The following TMEM178A variants were observed in gnomAD, a reference collection of about 807,000 sequenced individuals.
TMEM178A encodes transmembrane protein 178A.
In TMEM178A, 12 loss-of-function variants were observed where a neutral mutation model predicts 29.1. That is an observed-to-expected ratio of 0.41 (90% confidence interval 0.26 to 0.67). TMEM178A has a LOEUF of 0.67. Ranked by LOEUF, TMEM178A falls within the 30% of genes least tolerant of loss-of-function variation. The pLI is 0.29. For missense variants in TMEM178A, 366 were observed against 419.1 expected (o/e 0.87, Z 1.11); for synonymous variants, 210 against 187.2 (o/e 1.12, Z -0.99).
chr2:39,731,416 G>A, the TMEM178A span, among the ~76,000 whole-genome samples: 1 of 152,208 alleles, frequency 6.6e-6, no homozygotes, highest in Non-Finnish European at 1.5e-5. Flanking sequence ...TTTCTGGTGA[G>A]GGCCATGGGC....
chr2:39,706,189 T>C (rs575596287), intron 2 of TMEM178A, among the ~76,000 whole-genome samples: 1 of 152,228 alleles, frequency 6.6e-6, no homozygotes, highest in South Asian at 2.1e-4. Context: ...GGGAAAGAGC[T>C]GGATTTCTGG....
chr2:39,694,796 C>T (rs1411778389), intron 1 of TMEM178A, among the ~76,000 whole-genome samples: 1 of 152,008 alleles, frequency 6.6e-6, no homozygotes, highest in African/African-American at 2.4e-5. Flanking sequence ...TCAATATGAC[C>T]ATTAGAACAT....
At chr2:39,676,723 C>T (rs1670641281) in intron 1 of TMEM178A, among the ~76,000 whole-genome samples, 1 of 152,146 alleles carries the variant, frequency 6.6e-6, no homozygotes, top group Admixed American at 6.5e-5. Context: ...TCCAGAGAGC[C>T]ACACAAGATA....
chr2:39,670,650 G>A (rs1234180697), intron 1 of TMEM178A, among the ~76,000 whole-genome samples: 1 of 152,216 alleles, frequency 6.6e-6, no homozygotes, highest in Non-Finnish European at 1.5e-5. Context: ...CAGGACAGAT[G>A]GAAGCAGACT....
chr2:39,709,967 C>T (rs1334774243), intron 3 of TMEM178A, among the ~76,000 whole-genome samples: 1 of 152,156 alleles, frequency 6.6e-6, no homozygotes, highest in Non-Finnish European at 1.5e-5. Flanking sequence ...AGGGGCCAGT[C>T]TGGTTTTAAA....
intron 1 of TMEM178A, among the ~76,000 whole-genome samples, chr2:39,680,037 C>T (rs891653978): frequency 2.6e-5 from 4 of 152,138 alleles, no homozygotes; most frequent in African/African-American, 7.2e-5. Flanking sequence ...AGCAATCTTC[C>T]TCCTAACAAG....
At chr2:39,725,341 G>A in the TMEM178A span, among the ~76,000 whole-genome samples, 2 of 152,148 alleles carry the variant, frequency 1.3e-5, no homozygotes, top group Admixed American at 1.3e-4. Flanking sequence ...GTGGGTCTGC[G>A]ATACGCCTAC....
At chr2:39,732,030 G>A in the TMEM178A span, among the ~76,000 whole-genome samples, 9 of 151,968 alleles carry the variant, frequency 5.9e-5, no homozygotes, top group Admixed American at 6.5e-5. Context: ...TCCTCTTCCC[G>A]AGACCTTATT....
intron 1 of TMEM178A, among the ~76,000 whole-genome samples, chr2:39,696,643 T>G (rs1030610265): frequency 9.9e-5 from 15 of 152,194 alleles, no homozygotes; most frequent in African/African-American, 3.4e-4. Flanking sequence ...TCATGTATAC[T>G]GCCCGCCTCA....
At chr2:39,680,395 T>C (rs932954406) in intron 1 of TMEM178A, among the ~76,000 whole-genome samples, 2 of 152,380 alleles carry the variant, frequency 1.3e-5, no homozygotes, top group African/African-American at 2.4e-5. Flanking sequence ...TTCTTTGCTC[T>C]TTTGAATGTG....
the TMEM178A span, among the ~76,000 whole-genome samples, chr2:39,728,492 G>A: frequency 6.6e-6 from 1 of 152,018 alleles, no homozygotes; most frequent in Non-Finnish European, 1.5e-5. Flanking sequence ...GCCACACTCT[G>A]TACCCTATTC....
chr2:39,696,418 G>A (rs1671543399), intron 1 of TMEM178A, among the ~76,000 whole-genome samples: 3 of 152,154 alleles, frequency 2.0e-5, no homozygotes, highest in Admixed American at 6.5e-5. Context: ...ATAATCCATC[G>A]CTGACATTAT....
In TMEM178A at chr2:39,717,234, A is replaced by G. The variant is rs750938469; in HGVS notation, c.877A>G (p.Arg293Gly). The change falls in exon 4 of 4, where the codon AGA (arginine) becomes GGA (glycine). Residue 293 changes from arginine to glycine, a missense_variant. Around this residue, in one of 2 missense-constraint regions of TMEM178A, gnomAD observed 119 missense variants for 172.2 expected, o/e 0.69. Coordinates refer to ENST00000281961, the MANE Select transcript of TMEM178A (RefSeq NM_152390.3). The stretch of plus-strand genomic sequence containing the variant: ...CAAGATTGCACAGCTAAAGTCTGGC[A>G]GAGACTCCACGGTATGACTGTCCTC... ...RTKIAQLKSG[R>G]DSTV is the part of the protein sequence containing the mutation. 3 of 1,613,638 alleles carry G rather than the reference A, an allele frequency of 1.9e-6. No individual in the cohort carries two copies. In the African/African-American group the frequency reaches 4.0e-5, roughly 22 times the overall value.
chr2:39,732,932 C>T, the TMEM178A span, among the ~76,000 whole-genome samples: 1 of 152,232 alleles, frequency 6.6e-6, no homozygotes, highest in Non-Finnish European at 1.5e-5. Flanking sequence ...TTGGCACTAA[C>T]ATCTGCAGCT....
At chr2:39,695,014 G>A (rs1018788512) in intron 1 of TMEM178A, among the ~76,000 whole-genome samples, 6 of 152,106 alleles carry the variant, frequency 3.9e-5, no homozygotes, top group Non-Finnish European at 8.8e-5. Context: ...ATTTTAACAA[G>A]GTTAACTGTT....
intron 1 of TMEM178A, among the ~76,000 whole-genome samples, chr2:39,685,797 G>A (rs754607532): frequency 1.3e-5 from 2 of 152,198 alleles, no homozygotes; most frequent in Admixed American, 6.5e-5. Flanking sequence ...ATGGGTAGTA[G>A]GACCATGATT....
At chr2:39,710,538 C>T (rs1036753941) in intron 3 of TMEM178A, among the ~76,000 whole-genome samples, 2 of 152,046 alleles carry the variant, frequency 1.3e-5, no homozygotes, top group African/African-American at 4.8e-5. Context: ...GCTGGATTCA[C>T]CTGTTCTGTT....
the TMEM178A span, among the ~76,000 whole-genome samples, chr2:39,732,387 C>A: frequency 6.6e-6 from 1 of 152,132 alleles, no homozygotes; most frequent in Non-Finnish European, 1.5e-5. Flanking sequence ...ACTGACTGCC[C>A]CTGCAGCTCA....
intron 1 of TMEM178A, among the ~76,000 whole-genome samples, chr2:39,696,747 C>G (rs545843088): frequency 9.5e-4 from 145 of 152,280 alleles, no homozygotes; most frequent in Non-Finnish European, 2.0e-3. Context: ...TAGCTTGGAA[C>G]TCAGTATTGA....
Sources: gnomAD v4.1 joint callset for allele counts (sites outside exome capture counted in the v4.1 genomes callset) on GRCh38, gnomAD v4.1.1 for gene constraint, gnomAD v4.1.1 regional missense constraint, MANE v1.5 for transcripts, NCBI Gene and HGNC (gene_info 2026-07-23, HGNC 2026-07-21) for gene names.